The following DLG2 variants were observed in gnomAD, a reference collection of about 807,000 sequenced individuals.
The protein encoded by DLG2 is discs large MAGUK scaffold protein 2.
Under a neutral mutation model 132.5 loss-of-function variants are expected in DLG2, and 45 were observed. The observed-to-expected ratio is 0.34, with a 90% CI of 0.27 to 0.44. The LOEUF (loss-of-function observed/expected upper bound fraction) is 0.44, where lower values mean the gene tolerates loss of function less well. DLG2 is among the 20% of genes least tolerant of loss of function. The probability of loss-of-function intolerance (pLI) is 1.00; values close to 1 mark genes in which losing one functional copy is unlikely to be tolerated. For synonymous variants in DLG2, 424 were observed against 419.6 expected, an observed-to-expected ratio of 1.01 and a Z score of -0.13; for missense variants, 1,045 against 1,196.9, an observed-to-expected ratio of 0.87 and a Z score of 1.87.
In DLG2 at chr11:83,457,587, A is replaced by G. The variant is rs2089213455; in HGVS notation, c.*2231T>C. On this transcript the variant is annotated 3_prime_UTR_variant, in exon 28 of 28. Transcript: ENST00000376104. The stretch of plus-strand genomic sequence containing the variant: ...CACTAGTAAATGGAAAGCACATCAC[A>G]CGACCCGCGAAAACATCTACTCATT... 6.6e-6 allele frequency: 1 copy of G among 152,564 alleles called. No homozygotes were observed. The highest frequency in any genetic ancestry group is 1.5e-5 in the Non-Finnish European group (1 of 68,040). 9.5% of individuals were successfully genotyped at this position (152,564 alleles called of 1,614,324 possible). A position where few individuals can be genotyped will look rare whatever the true frequency, so the allele number is the denominator to read the frequency against.
At chr11:85,339,018 G>A (rs571138114) in intron 3 of DLG2, among the ~76,000 whole-genome samples, 21 of 152,228 alleles carry the variant, frequency 1.4e-4, no homozygotes, top group African/African-American at 5.1e-4. Context: ...TCTGGTTTCT[G>A]ATATATCCTA....
chr11:84,091,185 G>T (rs1016380011), intron 10 of DLG2, among the ~76,000 whole-genome samples: 1 of 152,156 alleles, frequency 6.6e-6, no homozygotes, highest in Non-Finnish European at 1.5e-5. Flanking sequence ...TACCCGAAAA[G>T]TTCTATTTAA....
intron 3 of DLG2, among the ~76,000 whole-genome samples, chr11:85,552,812 T>C (rs549818836): frequency 1.8e-4 from 27 of 151,636 alleles, no homozygotes; most frequent in African/African-American, 5.8e-4. Context: ...TTCATCTATC[T>C]ATTTAAATAG....
At chr11:83,502,596 A>G (rs1290868376) in intron 21 of DLG2, among the ~76,000 whole-genome samples, 1 of 152,068 alleles carries the variant, frequency 6.6e-6, no homozygotes, top group Admixed American at 6.6e-5. Context: ...TCTTGCCTCA[A>G]TTTCATTTCT....
At chr11:84,405,940 C>T (rs1567548216) in intron 7 of DLG2, among the ~76,000 whole-genome samples, 1 of 152,298 alleles carries the variant, frequency 6.6e-6, no homozygotes, top group African/African-American at 2.4e-5. Context: ...TCATCTCTAT[C>T]GCCATAACCT....
chr11:83,464,206 A>G (rs2090584641), intron 26 of DLG2, among the ~76,000 whole-genome samples: 1 of 152,246 alleles, frequency 6.6e-6, no homozygotes, highest in Non-Finnish European at 1.5e-5. Flanking sequence ...AGATGGTGGC[A>G]CAATATAAAA....
chr11:84,703,086 T>C (rs1488116459), intron 6 of DLG2, among the ~76,000 whole-genome samples: 5 of 151,516 alleles, frequency 3.3e-5, no homozygotes, highest in Admixed American at 3.3e-4. Flanking sequence ...TTCTTAAAAA[T>C]AAAAAATGTT....
intron 4 of DLG2, among the ~76,000 whole-genome samples, chr11:85,270,887 T>C (rs980596127): frequency 1.3e-5 from 2 of 151,992 alleles, no homozygotes; most frequent in Non-Finnish European, 2.9e-5. Context: ...AGGTATACAG[T>C]ATTATAAGGG....
chr11:83,473,410 TAGTAAA>T (rs2092296855), intron 22 of DLG2, among the ~76,000 whole-genome samples: 1 of 152,134 alleles, frequency 6.6e-6, no homozygotes, highest in South Asian at 2.1e-4. Flanking sequence ...GAAGACACAG[TAGTAAA>T]ATGTCAGCCC....
rs372281487 is a variant in DLG2, at chr11:84,586,167, G to C, written c.358-51436C>G. 2.5e-3 allele frequency among the ~76,000 whole-genome samples: 347 copies of C among 139,850 alleles called. 1 individual carries two copies. Among genetic ancestry groups the C allele is most frequent in the African/African-American group, 0.01 (339 of 32,806 alleles). 91.7% of individuals were successfully genotyped at this position (139,850 alleles called of 152,430 possible). On this transcript the variant is annotated intron_variant, in intron 6 of 27. Coordinates refer to ENST00000376104, the MANE Select transcript of DLG2 (RefSeq NM_001142699.3). ...TTCTGACTCAAAAAAAAAAAAAAAG[G>C]GTTTGTAATTAATTGTTCATTGTGA...
intron 3 of DLG2, among the ~76,000 whole-genome samples, chr11:85,581,197 T>A (rs1485004925): frequency 6.6e-6 from 1 of 152,178 alleles, no homozygotes; most frequent in Non-Finnish European, 1.5e-5. Context: ...CAGTAACAGC[T>A]CGCTCTCCAT....
intron 7 of DLG2, among the ~76,000 whole-genome samples, chr11:84,522,013 C>T (rs1413108082): frequency 7.3e-6 from 1 of 136,592 alleles, no homozygotes; most frequent in Non-Finnish European, 1.7e-5. Context: ...ACTAAAAATA[C>T]AAAAATGAGT....
chr11:85,414,110 T>G (rs922759213), intron 3 of DLG2, among the ~76,000 whole-genome samples: 1 of 152,114 alleles, frequency 6.6e-6, no homozygotes, highest in African/African-American at 2.4e-5. Context: ...TAGAGGCCTT[T>G]CACCTCCTTG....
intron 6 of DLG2, among the ~76,000 whole-genome samples, chr11:85,089,092 A>G (rs2068369333): frequency 6.6e-6 from 1 of 152,110 alleles, no homozygotes; most frequent in Non-Finnish European, 1.5e-5. Flanking sequence ...CAGTTTGAGA[A>G]CTATTCTTTT....
chr11:85,415,165 C>A (rs2089710418), intron 3 of DLG2, among the ~76,000 whole-genome samples: 1 of 152,198 alleles, frequency 6.6e-6, no homozygotes, highest in African/African-American at 2.4e-5. Context: ...CCAGCTTCAT[C>A]CATGTCCCTG....
At chr11:84,927,736 G>T (rs531401706) in intron 6 of DLG2, among the ~76,000 whole-genome samples, 14 of 152,066 alleles carry the variant, frequency 9.2e-5, no homozygotes, top group Non-Finnish European at 1.8e-4. Context: ...TTATGATGAT[G>T]ATTATTTTAA....
intron 4 of DLG2, among the ~76,000 whole-genome samples, chr11:85,162,915 A>G (rs191241601): frequency 1.5e-4 from 23 of 152,268 alleles, no homozygotes; most frequent in Admixed American, 1.3e-3. Flanking sequence ...AAGGAGATGA[A>G]CATTTGAGTC....
At chr11:84,380,722 A>C in intron 7 of DLG2, among the ~76,000 whole-genome samples, 1 of 152,130 alleles carries the variant, frequency 6.6e-6, no homozygotes, top group East Asian at 1.9e-4. Context: ...AAAACAGAAC[A>C]AATATTTCAA....
intron 11 of DLG2, among the ~76,000 whole-genome samples, chr11:83,998,296 T>C (rs2094156821): frequency 6.6e-6 from 1 of 152,192 alleles, no homozygotes; most frequent in Admixed American, 6.5e-5. Flanking sequence ...ATTTTTGTTA[T>C]AAAATAAATA....
Sources: allele counts gnomAD v4.1 joint callset (sites outside exome capture counted in the v4.1 genomes callset), GRCh38; gene constraint gnomAD v4.1.1; transcripts MANE v1.5; gene names NCBI Gene and HGNC (gene_info 2026-07-23, HGNC 2026-07-21).